RABGAP1L: variants seen among roughly 807,000 people sequenced by gnomAD.
RABGAP1L encodes rab GTPase-activating protein 1-like.
In RABGAP1L, 63 loss-of-function variants were observed where a neutral mutation model predicts 137.7. The observed-to-expected ratio is 0.46, with a 90% confidence interval of 0.37 to 0.56. RABGAP1L has a LOEUF of 0.56. Among genes scored for constraint, RABGAP1L ranks in the 20% least tolerant of loss-of-function variants. RABGAP1L has a pLI of 0.00. For synonymous variants in RABGAP1L, 431 were observed against 433.7 expected (o/e 0.99, Z 0.08); for missense variants, 1,095 against 1,244.0 (o/e 0.88, Z 1.80).
intron 19 of RABGAP1L, among the ~76,000 whole-genome samples, chr1:174,890,922 T>C (rs1656035028): frequency 6.6e-6 from 1 of 152,232 alleles, no homozygotes. Context: ...ATTTTGCTCC[T>C]ACAATACTGC....
At chr1:174,633,231 C>A (rs1179850793) in intron 13 of RABGAP1L, among the ~76,000 whole-genome samples, 3 of 148,292 alleles carry the variant, frequency 2.0e-5, no homozygotes. Context: ...CATTCTTATA[C>A]ACCAACAACA....
intron 3 of RABGAP1L, among the ~76,000 whole-genome samples, chr1:174,226,855 A>G (rs1277435123): frequency 6.6e-6 from 1 of 151,994 alleles, no homozygotes; most frequent in African/African-American, 2.4e-5. Context: ...CAGTTTAACA[A>G]TCTCAGTCTT....
intron 18 of RABGAP1L, among the ~76,000 whole-genome samples, chr1:174,779,779 T>C (rs1030362136): frequency 6.6e-6 from 1 of 152,198 alleles, no homozygotes; most frequent in Non-Finnish European, 1.5e-5. Flanking sequence ...TGAACTCCTT[T>C]CTTTTGAATA....
At chr1:174,199,795 C>T (rs1667972738) in intron 1 of RABGAP1L, among the ~76,000 whole-genome samples, 1 of 152,110 alleles carries the variant, frequency 6.6e-6, no homozygotes. Context: ...TCTCCCCTCC[C>T]TCATAATGTG....
chr1:174,281,248 G>A (rs1339278707), intron 10 of RABGAP1L, among the ~76,000 whole-genome samples: 1 of 152,144 alleles, frequency 6.6e-6, no homozygotes, highest in African/African-American at 2.4e-5. Flanking sequence ...ATTTGGCCCA[G>A]CCTGCGCCCT....
At chr1:174,227,715 T>G (rs1252187811) in intron 3 of RABGAP1L, among the ~76,000 whole-genome samples, 2 of 152,152 alleles carry the variant, frequency 1.3e-5, no homozygotes, top group African/African-American at 4.8e-5. Context: ...AACTCAAGTC[T>G]TTAACTCATT....
intron 18 of RABGAP1L, among the ~76,000 whole-genome samples, chr1:174,781,881 T>C (rs990815563): frequency 2.0e-5 from 3 of 152,170 alleles, no homozygotes; most frequent in Non-Finnish European, 4.4e-5. Context: ...GTTGTAGATG[T>C]GTGGTCTTAT....
intron 19 of RABGAP1L, chr1:174,897,978 C>CAAAAAA (rs1229186256): frequency 1.2e-4 from 11 of 88,042 alleles, no homozygotes; most frequent in Non-Finnish European, 1.7e-4. Flanking sequence ...GACTCCATCT[C>CAAAAAA]AAAAAAAAAA....
chr1:174,802,641 T>C (rs1688859142), intron 18 of RABGAP1L, among the ~76,000 whole-genome samples: 1 of 152,208 alleles, frequency 6.6e-6, no homozygotes, highest in Admixed American at 6.5e-5. Flanking sequence ...CTGATTTATC[T>C]TGGGGGCCAC....
intron 7 of RABGAP1L, among the ~76,000 whole-genome samples, chr1:174,265,900 A>G (rs573319302): frequency 2.5e-4 from 38 of 152,180 alleles, no homozygotes; most frequent in South Asian, 8.3e-4. Context: ...CCTAAGATCT[A>G]TTTAGGTTAT....
intron 18 of RABGAP1L, among the ~76,000 whole-genome samples, chr1:174,767,975 A>G (rs981217001): frequency 2.0e-5 from 3 of 152,168 alleles, no homozygotes; most frequent in African/African-American, 7.2e-5. Flanking sequence ...ATTCACTACC[A>G]CAAGAACAGT....
At chr1:174,422,431 A>G (rs1651429407) in intron 13 of RABGAP1L, among the ~76,000 whole-genome samples, 2 of 152,084 alleles carry the variant, frequency 1.3e-5, no homozygotes, top group Non-Finnish European at 2.9e-5. Context: ...AATAGAAAAT[A>G]AAATTTATAA....
intron 19 of RABGAP1L, among the ~76,000 whole-genome samples, chr1:174,933,907 C>T (rs1055738410): frequency 4.6e-4 from 70 of 152,268 alleles, no homozygotes; most frequent in African/African-American, 1.6e-3. Flanking sequence ...AACCCACCAT[C>T]CGTGGAAAAC....
intron 13 of RABGAP1L, among the ~76,000 whole-genome samples, chr1:174,455,868 A>C (rs550978804): frequency 6.6e-5 from 10 of 152,256 alleles, no homozygotes; most frequent in African/African-American, 2.4e-4. Flanking sequence ...TTTCACATAT[A>C]GGAATCTGAG....
intron 19 of RABGAP1L, chr1:174,892,610 C>A: frequency 1.9e-6 from 1 of 533,862 alleles, no homozygotes; most frequent in Non-Finnish European, 3.8e-6. Context: ...GGTTGGTGTT[C>A]TTGGCCTGTA....
intron 13 of RABGAP1L, among the ~76,000 whole-genome samples, chr1:174,484,083 T>C (rs1659399482): frequency 2.6e-5 from 4 of 152,212 alleles, no homozygotes; most frequent in Admixed American, 2.0e-4. Flanking sequence ...TTGCCTGTCA[T>C]GGATAAAAGC....
rs1290221930 is a variant in RABGAP1L at position 174,343,404 on chromosome 1, TGTATCTGA to T, written c.1466-27571_1466-27564del. Among the ~76,000 whole-genome samples the T allele has an allele frequency of 2.6e-4, 39 of 152,322 alleles. No homozygotes were observed. The East Asian group carries it at 6.2e-3, about 24-fold the overall frequency. The stretch of plus-strand genomic sequence containing the variant: ...TGCAAATATATGCCCTTTCCTATTG[TGTATCTGA>T]GTACCCTTTGTCTCATAAATTTGCC... On this transcript the variant is annotated intron_variant, in intron 11 of 25. Coordinates refer to ENST00000681986, the MANE Select transcript of RABGAP1L (RefSeq NM_001366446.1).
rs756282813 is a variant in RABGAP1L at position 174,241,688 on chromosome 1, T to A, written c.717+31T>A. 41 of 1,511,858 alleles carry A rather than the reference T, an allele frequency of 2.7e-5. No homozygotes were observed. The South Asian group carries it at 5.0e-4, about 18-fold the overall frequency. The allele number at this position is 1,511,858 out of a possible 1,614,324, so 93.7% of individuals were successfully genotyped here. A position where few individuals can be genotyped will look rare whatever the true frequency, so the allele number is the denominator to read the frequency against. On this transcript the variant is annotated intron_variant, in intron 5 of 25. Transcript: ENST00000681986. Reference sequence around the variant, plus strand: ...TATAATATAGTATAGCAATTTGCTATAGAGATGAATTAGGGTAATATTTTT... The same window carrying A: ...TATAATATAGTATAGCAATTTGCTAAAGAGATGAATTAGGGTAATATTTTT...
In RABGAP1L at chr1:174,647,630, C is replaced by T. The variant is rs546179780; in HGVS notation, c.1824+10142C>T. The stretch of plus-strand genomic sequence containing the variant: ...TTGCCAATATTTTATTGAGGATTTT[C>T]GCATTGATGTTCATCGGGGGTATTG... On this transcript the variant is annotated intron_variant, in intron 14 of 25. Transcript: ENST00000681986. 1.2e-4 allele frequency among the ~76,000 whole-genome samples: 18 copies of T among 151,938 alleles called. No individual in the cohort carries two copies. In the East Asian group the frequency reaches 1.5e-3, roughly 13 times the overall value.
Sources: allele counts gnomAD v4.1 joint callset (sites outside exome capture counted in the v4.1 genomes callset), GRCh38; gene constraint gnomAD v4.1.1; transcripts MANE v1.5; gene names NCBI Gene and HGNC (gene_info 2026-07-23, HGNC 2026-07-21).